ADAMTS19: variants seen among roughly 807,000 people sequenced by gnomAD.
ADAMTS19 encodes the protein ADAM metallopeptidase with thrombospondin type 1 motif 19, also known as A disintegrin and metalloproteinase with thrombospondin motifs 19.
ADAMTS19 carries 93 observed loss-of-function variants against 153.3 expected under a neutral mutation model. That is an observed-to-expected ratio of 0.61 (90% CI 0.51 to 0.72). ADAMTS19 has a LOEUF of 0.72. Among genes scored for constraint, ADAMTS19 ranks in the 30% least tolerant of loss-of-function variants. The pLI, the probability that ADAMTS19 is intolerant of heterozygous loss-of-function variation, is 0.00. For synonymous variants in ADAMTS19, 600 were observed against 556.6 expected (o/e 1.08, Z -1.10); for missense variants, 1,482 against 1,552.1 (o/e 0.95, Z 0.76).
intron 6 of ADAMTS19, among the ~76,000 whole-genome samples, chr5:129,537,992 T>A (rs1752514534): frequency 6.6e-6 from 1 of 151,870 alleles, no homozygotes; most frequent in Non-Finnish European, 1.5e-5. Context: ...GTAGAAGGGA[T>A]GGAAAGATTT....
intron 10 of ADAMTS19, among the ~76,000 whole-genome samples, chr5:129,640,758 C>G (rs929986826): frequency 1.3e-5 from 2 of 152,130 alleles, no homozygotes; most frequent in Admixed American, 6.5e-5. Flanking sequence ...CTCCTCCACT[C>G]TCTTCTCCCA....
chr5:129,637,755 G>A (rs568263069), intron 10 of ADAMTS19, among the ~76,000 whole-genome samples: 2 of 152,296 alleles, frequency 1.3e-5, no homozygotes. Flanking sequence ...TGAGGCAAGA[G>A]AATCGCTTGA....
At chr5:129,611,753 A>G (rs1751229275) in intron 8 of ADAMTS19, among the ~76,000 whole-genome samples, 1 of 151,740 alleles carries the variant, frequency 6.6e-6, no homozygotes. Context: ...TTTTGGAAAG[A>G]TACTCCTCGA....
chr5:129,717,970 A>T (rs939613463), intron 21 of ADAMTS19, among the ~76,000 whole-genome samples: 1 of 152,180 alleles, frequency 6.6e-6, no homozygotes, highest in Non-Finnish European at 1.5e-5. Context: ...CATTCCAAAA[A>T]GTTCTCTCTG....
At position 129,701,464 on chromosome 5, in the gene ADAMTS19, C is replaced by T. The variant is rs1475072000; in HGVS notation, c.3031C>T (p.Gln1011Ter). 8 of 1,614,174 alleles carry T rather than the reference C, an allele frequency of 5.0e-6. No homozygotes were observed. ...GCAGAGCAGACAAGTGGCCTGTACC[C>T]AACAACTGAGCAATGGAACACTGAT... Reference protein sequence around the residue: ...GMQSRQVACTQQLSNGTLIRA... With the variant: ...GMQSRQVACT The change falls in exon 20 of 23, where the codon CAA becomes TAA. Residue 1011 changes from glutamine to a stop codon, truncating the protein, a stop_gained. Coordinates refer to ENST00000274487, the MANE Select transcript of ADAMTS19 (RefSeq NM_133638.6). LOFTEE classifies it high-confidence loss of function.
At chr5:129,530,290 T>C (rs913574879) in intron 6 of ADAMTS19, among the ~76,000 whole-genome samples, 24 of 152,148 alleles carry the variant, frequency 1.6e-4, no homozygotes, top group Admixed American at 6.6e-4. Context: ...AATGTTGTTG[T>C]AATTGGAGTC....
At chr5:129,500,485 C>G in intron 2 of ADAMTS19, 1 of 152,114 alleles carries the variant, frequency 6.6e-6, no homozygotes, top group East Asian at 1.9e-4. Context: ...GGATCTCAGT[C>G]TTTTCCTGTG....
At chr5:129,691,934 G>A (rs1399493299) in intron 18 of ADAMTS19, among the ~76,000 whole-genome samples, 1 of 151,972 alleles carries the variant, frequency 6.6e-6, no homozygotes, top group Non-Finnish European at 1.5e-5. Flanking sequence ...ATCAGCCTTG[G>A]GTTATTTATT....
intron 6 of ADAMTS19, among the ~76,000 whole-genome samples, chr5:129,540,023 G>C (rs1186984933): frequency 1.3e-5 from 2 of 151,988 alleles, no homozygotes; most frequent in African/African-American, 4.8e-5. Flanking sequence ...TTCTAGTTAG[G>C]GTAAAGATGA....
chr5:129,600,778 A>G (rs1193004723), intron 8 of ADAMTS19, among the ~76,000 whole-genome samples: 1 of 152,218 alleles, frequency 6.6e-6, no homozygotes, highest in African/African-American at 2.4e-5. Context: ...ACAGTAAGAA[A>G]GAGGAAATAA....
chr5:129,545,807 C>A (rs569485545), intron 6 of ADAMTS19, among the ~76,000 whole-genome samples: 15 of 150,582 alleles, frequency 1.0e-4, no homozygotes, highest in Middle Eastern at 3.4e-3. Flanking sequence ...ACTAGTTCAA[C>A]CATTGTGGAA....
At chr5:129,720,557 A>T (rs1756956333) in intron 21 of ADAMTS19, among the ~76,000 whole-genome samples, 1 of 152,220 alleles carries the variant, frequency 6.6e-6, no homozygotes, top group African/African-American at 2.4e-5. Flanking sequence ...CAGTGTCACA[A>T]TTCTAGTATA....
chr5:129,468,051 C>T (rs570731381), intron 2 of ADAMTS19, among the ~76,000 whole-genome samples: 31 of 152,202 alleles, frequency 2.0e-4, no homozygotes, highest in Non-Finnish European at 3.8e-4. Flanking sequence ...CTTTTGTAAT[C>T]TACCTAATGA....
intron 21 of ADAMTS19, among the ~76,000 whole-genome samples, chr5:129,726,946 G>A (rs913995085): frequency 1.3e-5 from 2 of 151,790 alleles, no homozygotes; most frequent in African/African-American, 4.8e-5. Context: ...AGCTCCTGGG[G>A]GCCCCTGTTC....
chr5:129,490,738 AAG>A (rs1487835894), intron 2 of ADAMTS19, among the ~76,000 whole-genome samples: 4 of 152,146 alleles, frequency 2.6e-5, no homozygotes, highest in Admixed American at 1.3e-4. Flanking sequence ...CCAGATTACT[AAG>A]AGAATTTGCA....
At chr5:129,524,750 A>G (rs1341022773) in intron 3 of ADAMTS19, among the ~76,000 whole-genome samples, 1 of 151,588 alleles carries the variant, frequency 6.6e-6, no homozygotes, top group Non-Finnish European at 1.5e-5. Flanking sequence ...GTATCCCAGA[A>G]CTTGAAGGGA....
intron 2 of ADAMTS19, among the ~76,000 whole-genome samples, chr5:129,468,162 A>C (rs1749936184): frequency 6.6e-6 from 1 of 152,320 alleles, no homozygotes; most frequent in African/African-American, 2.4e-5. Context: ...CCTCTAATGT[A>C]TATCTATGTT....
In ADAMTS19 at chr5:129,487,149, C is replaced by A. The variant is rs116070026; in HGVS notation, c.748-21928C>A. The stretch of plus-strand genomic sequence containing the variant: ...CAGAATAATTTCTTCCTTAGAAGAC[C>A]ATATAACCTAGTCTTTTTATTTATT... On this transcript the variant is annotated intron_variant, in intron 2 of 22. Transcript: ENST00000274487. Among the ~76,000 whole-genome samples, 1,109 of 152,194 alleles carry A rather than the reference C, an allele frequency of 7.3e-3. 7 individuals are homozygous for A. The highest frequency in any genetic ancestry group is 0.01 in the South Asian group (50 of 4,820).
chr5:129,523,710 C>T (rs1315700100), intron 3 of ADAMTS19, among the ~76,000 whole-genome samples: 1 of 152,024 alleles, frequency 6.6e-6, no homozygotes, highest in East Asian at 1.9e-4. Context: ...CAATAACTAC[C>T]ACTGGGATCA....
Sources: allele counts gnomAD v4.1 joint callset (sites outside exome capture counted in the v4.1 genomes callset), GRCh38; gene constraint gnomAD v4.1.1; transcripts MANE v1.5; gene names NCBI Gene and HGNC (gene_info 2026-07-23, HGNC 2026-07-21).